Variants in NCOA7 observed in about 807,000 individuals in gnomAD.
The protein encoded by NCOA7 is 140 kDa estrogen receptor-associated protein.
Under a neutral mutation model 104.3 loss-of-function variants are expected in NCOA7, and 45 were observed. The observed-to-expected ratio is 0.43, with a 90% CI of 0.34 to 0.55. NCOA7 has a LOEUF of 0.55. Among genes scored for constraint, NCOA7 ranks in the 20% least tolerant of loss-of-function variants. The pLI is 0.02. For synonymous variants in NCOA7, 398 were observed against 402.3 expected (o/e 0.99, Z 0.13); for missense variants, 1,041 against 1,119.7 (o/e 0.93, Z 1.00).
At chr6:125,924,785 G>A (rs565215644) in intron 13 of NCOA7, among the ~76,000 whole-genome samples, 1 of 152,304 alleles carries the variant, frequency 6.6e-6, no homozygotes, top group South Asian at 2.1e-4. Flanking sequence ...GAGACTGACA[G>A]TGGTTCCACT....
chr6:125,785,888 A>C (rs1285002243), intron 1 of NCOA7, among the ~76,000 whole-genome samples: 1 of 152,212 alleles, frequency 6.6e-6, no homozygotes, highest in African/African-American at 2.4e-5. Flanking sequence ...ATACAGCAAT[A>C]TTTCTTTCTC....
intron 6 of NCOA7, among the ~76,000 whole-genome samples, 172 bp from the exon 7 acceptor site, chr6:125,882,254 G>A (rs1054620164): frequency 6.6e-6 from 1 of 152,000 alleles, no homozygotes; most frequent in Non-Finnish European, 1.5e-5. Context: ...TTTGATTTGG[G>A]TATCTGTTAT....
intron 2 of NCOA7, among the ~76,000 whole-genome samples, chr6:125,844,359 C>G (rs1780418755): frequency 6.6e-6 from 1 of 152,114 alleles, no homozygotes; most frequent in South Asian, 2.1e-4. Flanking sequence ...TGGGAAGAAT[C>G]TCATTATCAC....
Position 125,919,059 on chromosome 6 carries a change from A to G in NCOA7, c.2245-1884A>G, listed in dbSNP as rs530319074. ...ATAAGAAGGAAAAGAAAAAAAATGA[A>G]CAATGGGGTTTTATCATAGTGTTGG... is the stretch of plus-strand genomic sequence containing the variant. On this transcript the variant is annotated intron_variant, in intron 11 of 15. Transcript: ENST00000392477. Among the ~76,000 whole-genome samples, 3 of 152,320 alleles carry G rather than the reference A, an allele frequency of 2.0e-5. No homozygotes were observed. In the East Asian group the frequency reaches 5.8e-4, roughly 29 times the overall value.
intron 10 of NCOA7, chr6:125,899,989 C>G (rs762543978): frequency 1.5e-5 from 8 of 532,764 alleles, no homozygotes; most frequent in Admixed American, 1.2e-4. Context: ...CAGACTAATC[C>G]CTGCCAATGG....
At chr6:125,790,381 C>G (rs2128541481), upstream of NCOA7, among the ~76,000 whole-genome samples, 1 of 152,364 alleles carries the variant, frequency 6.6e-6, no homozygotes. Context: ...TAAGAGGACC[C>G]TCCTAGGTGC....
intron 10 of NCOA7, among the ~76,000 whole-genome samples, chr6:125,907,302 C>T (rs756213544): frequency 3.3e-5 from 5 of 152,206 alleles, no homozygotes; most frequent in Non-Finnish European, 5.9e-5. Context: ...ATCTCACCTC[C>T]GCTGAGGCTG....
intron 10 of NCOA7, among the ~76,000 whole-genome samples, chr6:125,900,689 G>A (rs1393253494): frequency 1.3e-5 from 2 of 152,110 alleles, no homozygotes; most frequent in Non-Finnish European, 2.9e-5. Context: ...AGCAAAAAAG[G>A]ACCTGTCTAC....
At chr6:125,829,311 G>A (rs1266346204) in intron 2 of NCOA7, among the ~76,000 whole-genome samples, 1 of 152,156 alleles carries the variant, frequency 6.6e-6, no homozygotes, top group Non-Finnish European at 1.5e-5. Flanking sequence ...AATGCTAGGA[G>A]TTAGAGCACC....
chr6:125,879,700 T>C (rs1446877129), intron 5 of NCOA7, among the ~76,000 whole-genome samples: 1 of 152,158 alleles, frequency 6.6e-6, no homozygotes, highest in African/African-American at 2.4e-5. Context: ...AAGGTCATCA[T>C]TTTAAGATTA....
intron 1 of NCOA7, among the ~76,000 whole-genome samples, chr6:125,793,864 C>T (rs991313558): frequency 1.3e-5 from 2 of 152,110 alleles, no homozygotes; most frequent in Non-Finnish European, 2.9e-5. Flanking sequence ...TACTGGTCTC[C>T]CCTCAACAGT....
chr6:125,859,727 A>G (rs1043288964), intron 3 of NCOA7, among the ~76,000 whole-genome samples: 4 of 152,240 alleles, frequency 2.6e-5, no homozygotes, highest in Non-Finnish European at 4.4e-5. Context: ...GTAGGTATCT[A>G]TTCCACATCT....
chr6:125,830,868 G>A (rs911359751), intron 2 of NCOA7, among the ~76,000 whole-genome samples: 6 of 151,678 alleles, frequency 4.0e-5, no homozygotes, highest in Non-Finnish European at 8.8e-5. Flanking sequence ...CATAGTGAGG[G>A]GGGAAAAGTG....
At chr6:125,828,833 A>G (rs1778891355) in intron 2 of NCOA7, among the ~76,000 whole-genome samples, 1 of 152,180 alleles carries the variant, frequency 6.6e-6, no homozygotes, top group South Asian at 2.1e-4. Flanking sequence ...CAGGAGATTT[A>G]CAAATATGAC....
At chr6:125,802,421 C>T (rs932443581) in intron 1 of NCOA7, 1 of 152,120 alleles carries the variant, frequency 6.6e-6, no homozygotes, top group African/African-American at 2.4e-5. Context: ...TTCTGTTCCA[C>T]ATGTCTTCAT....
chr6:125,842,787 A>G (rs1054395447), intron 2 of NCOA7, among the ~76,000 whole-genome samples: 1 of 152,224 alleles, frequency 6.6e-6, no homozygotes, highest in African/African-American at 2.4e-5. Flanking sequence ...TCCACCATAA[A>G]TAAAAAATTC....
At chr6:125,795,801 A>G (rs759652292) in intron 1 of NCOA7, among the ~76,000 whole-genome samples, 11 of 152,000 alleles carry the variant, frequency 7.2e-5, no homozygotes, top group Non-Finnish European at 1.5e-4. Context: ...CATGCATTTT[A>G]CCCACAGTCA....
At chr6:125,882,309 A>T in intron 6 of NCOA7, 117 bp from the exon 7 acceptor site, 1 of 1,007,274 alleles carries the variant, frequency 9.9e-7, no homozygotes, top group Non-Finnish European at 1.5e-6. Flanking sequence ...TTGCCTTTTT[A>T]ATGTTCCACT....
chr6:125,869,484 A>G (rs1782706953), intron 3 of NCOA7, among the ~76,000 whole-genome samples: 1 of 152,124 alleles, frequency 6.6e-6, no homozygotes, highest in Non-Finnish European at 1.5e-5. Flanking sequence ...TCCATGTCCT[A>G]TTTCCCCAAA....
Sources: gnomAD v4.1 joint callset for allele counts (sites outside exome capture counted in the v4.1 genomes callset) on GRCh38, gnomAD v4.1.1 for gene constraint, MANE v1.5 for transcripts, NCBI Gene and HGNC (gene_info 2026-07-23, HGNC 2026-07-21) for gene names.